HSDL2: variants seen among roughly 807,000 people sequenced by gnomAD.
HSDL2 encodes the protein hydroxysteroid dehydrogenase-like protein 2.
HSDL2 carries 27 observed loss-of-function variants against 46.3 expected under a neutral mutation model. The ratio of observed to expected loss-of-function variants is 0.58; its 90% CI spans 0.43 to 0.80. The LOEUF is 0.80. HSDL2 is among the 30% of genes least tolerant of loss of function. The pLI is 0.00. For missense variants in HSDL2, 451 were observed against 502.7 expected (o/e 0.90, Z 0.98); for synonymous variants, 153 against 163.6 (o/e 0.94, Z 0.50).
intron 9 of HSDL2, among the ~76,000 whole-genome samples, chr9:112,454,736 C>T (rs566606971): frequency 1.8e-4 from 28 of 151,858 alleles, no homozygotes; most frequent in East Asian, 7.8e-4. Context: ...AATGGAGTCT[C>T]GCTTTGTTGC....
At chr9:112,464,213 GACACACACACAGACACACACACACAC>G (rs1309127549) in intron 10 of HSDL2, among the ~76,000 whole-genome samples, 26 of 146,730 alleles carry the variant, frequency 1.8e-4, no homozygotes, top group East Asian at 6.2e-4. Context: ...CACACACACA[GACACACACACAGACACACACACACAC>G]ACACACACAC....
chr9:112,412,210 A>G lies in HSDL2; in HGVS notation c.395+3189A>G, dbSNP rs116705447. On this transcript the variant is annotated intron_variant, in intron 4 of 10. Transcript: ENST00000398805. ...ATATTTCAGAATGAAACCTGAAACAATTCTGGTCCCAAGCTAAACTTGTAC... is the reference window on the plus strand; with the variant it reads ...ATATTTCAGAATGAAACCTGAAACAGTTCTGGTCCCAAGCTAAACTTGTAC... 4.1e-3 allele frequency among the ~76,000 whole-genome samples: 623 copies of G among 152,334 alleles called. 5 individuals are homozygous for G. Among genetic ancestry groups the G allele is most frequent in the African/African-American group, 0.014 (601 of 41,570 alleles).
intron 3 of HSDL2, among the ~76,000 whole-genome samples, chr9:112,406,181 GAA>G (rs909187738): frequency 2.7e-5 from 4 of 148,486 alleles, no homozygotes; most frequent in African/African-American, 4.9e-5. Context: ...AAAAAAAAAA[GAA>G]AAAGAGTGTG....
At chr9:112,427,300 C>T (rs1832273260) in intron 6 of HSDL2, among the ~76,000 whole-genome samples, 1 of 152,182 alleles carries the variant, frequency 6.6e-6, no homozygotes, top group Admixed American at 6.5e-5. Flanking sequence ...AGTGATCCAC[C>T]CGCCTCGGCC....
intron 6 of HSDL2, among the ~76,000 whole-genome samples, chr9:112,437,273 TTC>T (rs1317110161): frequency 1.3e-5 from 2 of 152,058 alleles, no homozygotes; most frequent in Admixed American, 1.3e-4. Flanking sequence ...TTCTAATATT[TTC>T]TACAAAACAG....
chr9:112,433,610 A>T (rs1832455747), intron 6 of HSDL2, among the ~76,000 whole-genome samples: 1 of 152,178 alleles, frequency 6.6e-6, no homozygotes, highest in Non-Finnish European at 1.5e-5. Flanking sequence ...GAGGCAGGAA[A>T]GCTAGCTAGA....
In HSDL2 at chr9:112,416,443, C is replaced by A. The variant is rs532062553; in HGVS notation, c.396-398C>A. Among the ~76,000 whole-genome samples, 44 of 141,770 alleles carry A rather than the reference C, an allele frequency of 3.1e-4. No individual in the cohort carries two copies. The East Asian group carries it at 3.8e-3, about 12-fold the overall frequency. 93.0% of individuals were successfully genotyped at this position (141,770 alleles called of 152,430 possible). On this transcript the variant is annotated intron_variant, in intron 4 of 10. Transcript: ENST00000398805. ...CCTGTCTTAAAATTAAAAAAAAAAA[C>A]AAACAAAAAAAAAGAAGTTGGCTGG...
intron 1 of HSDL2, among the ~76,000 whole-genome samples, chr9:112,384,666 G>T (rs1831179973): frequency 6.6e-6 from 1 of 151,548 alleles, no homozygotes; most frequent in African/African-American, 2.4e-5. Flanking sequence ...GACCGATATT[G>T]GGAAGACAGG....
chr9:112,394,327 T>C (rs1304854283), intron 1 of HSDL2, among the ~76,000 whole-genome samples: 2 of 152,160 alleles, frequency 1.3e-5, no homozygotes, highest in Non-Finnish European at 2.9e-5. Flanking sequence ...GTAATGCCCT[T>C]ATCTTCTCAT....
At chr9:112,439,655 T>TGA (rs1261353361) in intron 7 of HSDL2, among the ~76,000 whole-genome samples, 1 of 152,234 alleles carries the variant, frequency 6.6e-6, no homozygotes, top group Non-Finnish European at 1.5e-5. Flanking sequence ...ATTTGTATCA[T>TGA]CCCTGCTCAT....
At chr9:112,395,623 A>G (rs1222368131) in intron 1 of HSDL2, among the ~76,000 whole-genome samples, 1 of 152,256 alleles carries the variant, frequency 6.6e-6, no homozygotes, top group Non-Finnish European at 1.5e-5. Context: ...ATGTAAAGCA[A>G]TATGAAAGAA....
At chr9:112,415,488 A>T (rs955378547) in intron 4 of HSDL2, among the ~76,000 whole-genome samples, 1 of 152,206 alleles carries the variant, frequency 6.6e-6, no homozygotes, top group Non-Finnish European at 1.5e-5. Context: ...GGGTCACACA[A>T]TGAAGGGGCA....
In HSDL2 at chr9:112,441,758, G is replaced by T; in HGVS notation, c.853G>T (p.Val285Leu). ...DEYPEAVSKK[V>L]ESTGAVPEFK... ...ATACCCAGAAGCAGTTAGCAAGAAAGTGGAATCAACTGGTAAGATCTAGAC... is the reference window on the plus strand; with the variant it reads ...ATACCCAGAAGCAGTTAGCAAGAAATTGGAATCAACTGGTAAGATCTAGAC... The change falls in exon 8 of 11, where the codon GTG becomes TTG. Residue 285 changes from valine to leucine, a missense_variant. Transcript: ENST00000398805. 1 of 1,601,058 alleles carries T rather than the reference G, an allele frequency of 6.2e-7. No homozygotes were observed.
intron 10 of HSDL2, among the ~76,000 whole-genome samples, chr9:112,466,153 T>G (rs1226281088): frequency 6.6e-6 from 1 of 152,260 alleles, no homozygotes; most frequent in Non-Finnish European, 1.5e-5. Flanking sequence ...ACAAATGATA[T>G]CATACTTTTT....
chr9:112,409,829 G>C (rs576367500), intron 4 of HSDL2, among the ~76,000 whole-genome samples: 1 of 151,750 alleles, frequency 6.6e-6, no homozygotes, highest in Admixed American at 6.6e-5. Context: ...CTCCAGCCTG[G>C]GTAACAGAGA....
intron 4 of HSDL2, among the ~76,000 whole-genome samples, chr9:112,413,757 C>A (rs1831930264): frequency 6.6e-6 from 1 of 152,106 alleles, no homozygotes; most frequent in Non-Finnish European, 1.5e-5. Context: ...AGCACTTGAA[C>A]ATAAATTTAA....
chr9:112,419,729 T>C (rs1398300951), intron 6 of HSDL2, among the ~76,000 whole-genome samples: 1 of 152,230 alleles, frequency 6.6e-6, no homozygotes, highest in African/African-American at 2.4e-5. Context: ...ACATGAATTC[T>C]TCTGAATTCA....
intron 6 of HSDL2, among the ~76,000 whole-genome samples, chr9:112,429,813 C>T (rs1832343029): frequency 6.6e-6 from 1 of 152,102 alleles, no homozygotes; most frequent in African/African-American, 2.4e-5. Context: ...GGCATTAGGC[C>T]AGGAGTGTTG....
intron 6 of HSDL2, among the ~76,000 whole-genome samples, chr9:112,426,182 C>T (rs1242289779): frequency 6.6e-6 from 1 of 151,316 alleles, no homozygotes; most frequent in Non-Finnish European, 1.5e-5. Context: ...TGGCAGTTTG[C>T]TCTTCTTTTA....
Sources: gnomAD v4.1 joint callset for allele counts (sites outside exome capture counted in the v4.1 genomes callset) on GRCh38, gnomAD v4.1.1 for gene constraint, MANE v1.5 for transcripts, NCBI Gene and HGNC (gene_info 2026-07-23, HGNC 2026-07-21) for gene names.